NRXN3: variants seen among roughly 807,000 people sequenced by gnomAD.
NRXN3 encodes neurexin 3.
Under a neutral mutation model 137.6 loss-of-function variants are expected in NRXN3, and 32 were observed. The ratio of observed to expected loss-of-function variants is 0.23; its 90% CI spans 0.18 to 0.31. The LOEUF (loss-of-function observed/expected upper bound fraction) is 0.31. NRXN3 is among the 10% of genes least tolerant of loss of function. The probability of loss-of-function intolerance (pLI) is 1.00; values close to 1 mark genes in which losing one functional copy is unlikely to be tolerated. For synonymous variants in NRXN3, 798 were observed against 784.5 expected, an observed-to-expected ratio of 1.02 and a Z score of -0.29; for missense variants, 1,574 against 2,062.5, an observed-to-expected ratio of 0.76 and a Z score of 4.59.
intron 17 of NRXN3, among the ~76,000 whole-genome samples, chr14:79,672,255 A>G (rs532895318): frequency 6.6e-6 from 1 of 152,156 alleles, no homozygotes; most frequent in East Asian, 1.9e-4. Context: ...AAAGCACATC[A>G]TATTTATTTA....
At chr14:79,147,828 G>A (rs1027957755) in intron 15 of NRXN3, among the ~76,000 whole-genome samples, 5 of 152,122 alleles carry the variant, frequency 3.3e-5, no homozygotes, top group Non-Finnish European at 7.3e-5. Flanking sequence ...AGTGGACTCT[G>A]AGAAACTTCA....
intron 10 of NRXN3, among the ~76,000 whole-genome samples, chr14:78,812,989 G>A (rs989726324): frequency 2.0e-5 from 3 of 151,852 alleles, no homozygotes; most frequent in Admixed American, 6.6e-5. Context: ...ATGTAACCAC[G>A]TATCTAGGGT....
At chr14:79,128,454 G>A (rs1219904581) in intron 15 of NRXN3, among the ~76,000 whole-genome samples, 1 of 150,196 alleles carries the variant, frequency 6.7e-6, no homozygotes, top group Non-Finnish European at 1.5e-5. Context: ...TTTGTCTTTG[G>A]TTCTGTTTAT....
At chr14:79,089,933 A>G (rs1403686376) in intron 15 of NRXN3, among the ~76,000 whole-genome samples, 1 of 152,214 alleles carries the variant, frequency 6.6e-6, no homozygotes, top group Non-Finnish European at 1.5e-5. Context: ...AAGCATAAAT[A>G]AAGTAGGAAT....
At chr14:78,813,367 G>C (rs1158049047) in intron 10 of NRXN3, among the ~76,000 whole-genome samples, 1 of 152,084 alleles carries the variant, frequency 6.6e-6, no homozygotes, top group African/African-American at 2.4e-5. Context: ...TAATAGGTGT[G>C]CCGGTCCTTA....
chr14:78,956,739 T>C (rs772535375), intron 10 of NRXN3, among the ~76,000 whole-genome samples: 4 of 152,202 alleles, frequency 2.6e-5, no homozygotes, highest in Admixed American at 1.3e-4. Flanking sequence ...TAGGACCCTG[T>C]GTTAATGGAA....
chr14:79,852,049 T>C (rs979699075), intron 20 of NRXN3, among the ~76,000 whole-genome samples: 12 of 152,134 alleles, frequency 7.9e-5, no homozygotes, highest in African/African-American at 2.7e-4. Context: ...CATTGTGCTC[T>C]GTCACTTTGA....
chr14:78,854,872 C>A (rs1201764346), intron 10 of NRXN3, among the ~76,000 whole-genome samples: 5 of 152,010 alleles, frequency 3.3e-5, no homozygotes, highest in African/African-American at 1.2e-4. Context: ...GAAATCGAGA[C>A]CATCCAGGGA....
chr14:79,776,495 G>T (rs1049133490), intron 19 of NRXN3, among the ~76,000 whole-genome samples: 12 of 152,136 alleles, frequency 7.9e-5, no homozygotes, highest in Non-Finnish European at 1.6e-4. Flanking sequence ...CATTCCTTCA[G>T]GTTCCCTCCC....
chr14:78,307,629 G>A (rs1056954893), intron 4 of NRXN3, among the ~76,000 whole-genome samples: 4 of 151,952 alleles, frequency 2.6e-5, no homozygotes, highest in Non-Finnish European at 5.9e-5. Flanking sequence ...TTTTCCTAAG[G>A]CATTTAGTGG....
At chr14:79,852,085 G>C (rs2099392624) in intron 20 of NRXN3, among the ~76,000 whole-genome samples, 1 of 151,990 alleles carries the variant, frequency 6.6e-6, no homozygotes, top group Admixed American at 6.6e-5. Flanking sequence ...CTCCCACAGA[G>C]CAATGTTAAT....
At chr14:78,383,699 T>C (rs1455973939) in intron 4 of NRXN3, among the ~76,000 whole-genome samples, 1 of 152,184 alleles carries the variant, frequency 6.6e-6, no homozygotes, top group Non-Finnish European at 1.5e-5. Flanking sequence ...ACTAATGAAT[T>C]AGCCACTCAT....
At chr14:79,740,707 GTTTT>G (rs71103816) in intron 19 of NRXN3, among the ~76,000 whole-genome samples, 1,319 of 47,436 alleles carry the variant, frequency 0.028, 73 homozygotes, top group African/African-American at 0.11. Context: ...TTTGCATTTA[GTTTT>G]TTATATATAT....
intron 15 of NRXN3, among the ~76,000 whole-genome samples, chr14:79,430,345 C>A (rs1461280493): frequency 2.0e-5 from 3 of 152,234 alleles, no homozygotes; most frequent in East Asian, 3.9e-4. Flanking sequence ...TGATAGAGGT[C>A]ATGTTTTGTT....
chr14:79,766,112 G>T (rs1179939768), intron 19 of NRXN3, among the ~76,000 whole-genome samples: 2 of 152,020 alleles, frequency 1.3e-5, no homozygotes, highest in Non-Finnish European at 2.9e-5. Flanking sequence ...TACTTGATCT[G>T]TTTCTATTGT....
At chr14:79,794,409 G>C (rs528587161) in intron 19 of NRXN3, among the ~76,000 whole-genome samples, 1 of 151,946 alleles carries the variant, frequency 6.6e-6, no homozygotes, top group Non-Finnish European at 1.5e-5. Flanking sequence ...AAAAAAACAA[G>C]AAGAGGTCTC....
In NRXN3 at chr14:78,277,316, AG is replaced by A. The variant is rs1386725217; in HGVS notation, c.710-1326del. 7.2e-5 allele frequency among the ~76,000 whole-genome samples: 11 copies of A among 152,298 alleles called. No individual in the cohort carries two copies. In the South Asian group the frequency reaches 8.3e-4, roughly 11 times the overall value. Reference sequence around the variant, plus strand: ...AGAGAATAAACCATGACCCACTCATAGGGCAGGTGGGAGACGCTCACCCAGC... The same window carrying A: ...AGAGAATAAACCATGACCCACTCATAGGCAGGTGGGAGACGCTCACCCAGC... On this transcript the variant is annotated intron_variant, in intron 2 of 20. Transcript: ENST00000335750.
intron 8 of NRXN3, among the ~76,000 whole-genome samples, chr14:78,721,219 C>T (rs534551884): frequency 6.6e-6 from 1 of 152,306 alleles, no homozygotes; most frequent in East Asian, 1.9e-4. Flanking sequence ...GAAACCTGGG[C>T]TTCCAAGGTC....
intron 15 of NRXN3, among the ~76,000 whole-genome samples, chr14:79,113,121 A>G (rs2053829003): frequency 6.6e-6 from 1 of 152,192 alleles, no homozygotes; most frequent in African/African-American, 2.4e-5. Context: ...TATGCCTGCT[A>G]GATACCAGCA....
Sources: gnomAD v4.1 joint callset for allele counts (sites outside exome capture counted in the v4.1 genomes callset) on GRCh38, gnomAD v4.1.1 for gene constraint, MANE v1.5 for transcripts, NCBI Gene and HGNC (gene_info 2026-07-23, HGNC 2026-07-21) for gene names.